Variants in SPOCK1 observed in about 807,000 individuals in gnomAD.
The protein encoded by SPOCK1 is testican-1.
In SPOCK1, 23 loss-of-function variants were observed where a neutral mutation model predicts 55.3. That is an observed-to-expected ratio of 0.42 (90% CI 0.30 to 0.59). The LOEUF (loss-of-function observed/expected upper bound fraction) is 0.59, where lower values mean the gene tolerates loss of function less well. SPOCK1 is among the 20% of genes least tolerant of loss of function. The probability of loss-of-function intolerance (pLI) is 0.22; values close to 1 mark genes in which losing one functional copy is unlikely to be tolerated. For missense variants in SPOCK1, 499 were observed against 552.5 expected (o/e 0.90, Z 0.97); for synonymous variants, 226 against 221.0 (o/e 1.02, Z -0.20).
intron 2 of SPOCK1, among the ~76,000 whole-genome samples, chr5:137,331,381 T>C (rs936522535): frequency 6.6e-6 from 1 of 152,162 alleles, no homozygotes; most frequent in Non-Finnish European, 1.5e-5. Flanking sequence ...TCCCAGGGCA[T>C]GCAGCACCAC....
chr5:137,261,121 A>G (rs1447390867), intron 3 of SPOCK1, among the ~76,000 whole-genome samples: 1 of 152,208 alleles, frequency 6.6e-6, no homozygotes, highest in Non-Finnish European at 1.5e-5. Flanking sequence ...TTCTTAAAAA[A>G]ACTGAAAAAC....
chr5:137,137,194 C>T (rs1753999841), intron 4 of SPOCK1, among the ~76,000 whole-genome samples: 1 of 152,234 alleles, frequency 6.6e-6, no homozygotes, highest in Admixed American at 6.5e-5. Context: ...GCCTGGCTAA[C>T]TCTCTGTGTG....
At position 137,011,673 on chromosome 5, in the gene SPOCK1, A is replaced by T. The variant is rs1197690726; in HGVS notation, c.590-19073T>A. Among the ~76,000 whole-genome samples, 3 of 152,232 alleles carry T rather than the reference A, an allele frequency of 2.0e-5. No individual in the cohort carries two copies. The East Asian group carries it at 5.8e-4, about 29-fold the overall frequency. On this transcript the variant is annotated intron_variant, in intron 6 of 10. Coordinates refer to ENST00000394945, the MANE Select transcript of SPOCK1 (RefSeq NM_004598.4). ...AGCAATAAATTGCACTGATAATGTA[A>T]TTAAAAATATCACCCCAGAAGAGCA...
At chr5:137,434,471 CTTTT>C (rs1252617574) in intron 2 of SPOCK1, among the ~76,000 whole-genome samples, 1 of 61,014 alleles carries the variant, frequency 1.6e-5, no homozygotes, top group Non-Finnish European at 3.5e-5. Context: ...TTCTCCATTT[CTTTT>C]TTTTCTTTTT....
intron 2 of SPOCK1, among the ~76,000 whole-genome samples, chr5:137,316,832 T>C (rs1334479561): frequency 6.6e-6 from 1 of 152,174 alleles, no homozygotes; most frequent in Non-Finnish European, 1.5e-5. Flanking sequence ...TATTTAACAG[T>C]TAGAATAACA....
intron 2 of SPOCK1, among the ~76,000 whole-genome samples, chr5:137,480,354 T>C (rs4246796): frequency 1 from 151,482 of 151,620 alleles, 75,672 homozygotes; most frequent in Non-Finnish European, 1. Flanking sequence ...CTCATTCACT[T>C]GTATTACTGA....
intron 2 of SPOCK1, among the ~76,000 whole-genome samples, chr5:137,465,689 A>G (rs1273786616): frequency 2.0e-5 from 3 of 152,200 alleles, no homozygotes; most frequent in Non-Finnish European, 4.4e-5. Context: ...CAATCACTCA[A>G]AATTAATCTA....
chr5:137,202,287 G>A (rs1202096791), intron 3 of SPOCK1, among the ~76,000 whole-genome samples: 1 of 151,880 alleles, frequency 6.6e-6, no homozygotes, highest in African/African-American at 2.4e-5. Flanking sequence ...GGAAGGTATG[G>A]TTTGTCTACT....
Position 137,070,257 on chromosome 5 carries a change from A to G in SPOCK1, c.475-2428T>C, listed in dbSNP as rs115190672. Among the ~76,000 whole-genome samples, 1,455 of 152,356 alleles carry G rather than the reference A, an allele frequency of 9.5e-3. 19 individuals carry two copies. The highest frequency in any genetic ancestry group is 0.033 in the African/African-American group (1,389 of 41,584). Reference sequence around the variant, plus strand: ...GCTGAAGTGTTCTGAACAGAGCCACAGCTAACGCACAATGTGAACACGGAA... The same window carrying G: ...GCTGAAGTGTTCTGAACAGAGCCACGGCTAACGCACAATGTGAACACGGAA... On this transcript the variant is annotated intron_variant, in intron 5 of 10. Coordinates refer to ENST00000394945, the MANE Select transcript of SPOCK1 (RefSeq NM_004598.4).
At chr5:137,194,092 C>T (rs74585227) in intron 3 of SPOCK1, among the ~76,000 whole-genome samples, 2,487 of 152,244 alleles carry the variant, frequency 0.016, 75 homozygotes, top group African/African-American at 0.056. Flanking sequence ...AAATATTGCA[C>T]ACCTCACTCT....
chr5:137,046,398 T>C (rs551472333), intron 6 of SPOCK1, among the ~76,000 whole-genome samples: 2 of 151,914 alleles, frequency 1.3e-5, no homozygotes, highest in Admixed American at 6.6e-5. Context: ...TTTTATTCTC[T>C]TTGAAGCAAT....
chr5:137,121,179 G>A (rs533866108), intron 4 of SPOCK1, among the ~76,000 whole-genome samples: 24 of 152,062 alleles, frequency 1.6e-4, no homozygotes, highest in Admixed American at 9.2e-4. Flanking sequence ...TTAAATGTAC[G>A]TCCCATAACA....
intron 4 of SPOCK1, among the ~76,000 whole-genome samples, chr5:137,118,675 T>C (rs766693486): frequency 1.3e-5 from 2 of 152,184 alleles, no homozygotes; most frequent in Non-Finnish European, 2.9e-5. Flanking sequence ...TCCTGCTGAA[T>C]GAAATTCAAC....
intron 5 of SPOCK1, among the ~76,000 whole-genome samples, chr5:137,093,602 G>A (rs1029172826): frequency 1.3e-5 from 2 of 152,196 alleles, no homozygotes; most frequent in African/African-American, 4.8e-5. Flanking sequence ...AAAGTAATGA[G>A]GGGAAGACAG....
intron 6 of SPOCK1, among the ~76,000 whole-genome samples, chr5:136,999,827 TG>T (rs1485978601): frequency 2.0e-5 from 3 of 152,094 alleles, no homozygotes; most frequent in African/African-American, 7.2e-5. Flanking sequence ...AACACCCAAT[TG>T]GGGATGTCCG....
At chr5:137,201,244 G>A (rs1466510501) in intron 3 of SPOCK1, among the ~76,000 whole-genome samples, 1 of 152,112 alleles carries the variant, frequency 6.6e-6, no homozygotes, top group Non-Finnish European at 1.5e-5. Flanking sequence ...GCCCATCTAG[G>A]GGCTCCATGG....
intron 2 of SPOCK1, among the ~76,000 whole-genome samples, chr5:137,418,891 A>G (rs1210479449): frequency 2.6e-5 from 4 of 152,146 alleles, no homozygotes; most frequent in Admixed American, 2.6e-4. Flanking sequence ...TATGTCCTGA[A>G]TGGTATTGCC....
At chr5:137,376,877 T>G (rs1023555660) in intron 2 of SPOCK1, among the ~76,000 whole-genome samples, 5 of 152,332 alleles carry the variant, frequency 3.3e-5, no homozygotes, top group African/African-American at 1.2e-4. Flanking sequence ...GGGTGACTTG[T>G]GCCTTCTTTT....
intron 3 of SPOCK1, among the ~76,000 whole-genome samples, chr5:137,164,383 T>A (rs536468913): frequency 1.2e-4 from 18 of 152,118 alleles, no homozygotes; most frequent in Non-Finnish European, 2.1e-4. Context: ...GACCCAGTCC[T>A]GGAAAGATCC....
Sources: allele counts gnomAD v4.1 joint callset (sites outside exome capture counted in the v4.1 genomes callset), GRCh38; gene constraint gnomAD v4.1.1; transcripts MANE v1.5; gene names NCBI Gene and HGNC (gene_info 2026-07-23, HGNC 2026-07-21).